Variants in GLRA2 observed in about 807,000 individuals in gnomAD.
The protein encoded by GLRA2 is glycine receptor subunit alpha-2.
A neutral mutation model predicts 31.6 loss-of-function variants in GLRA2; 11 were observed. The ratio of observed to expected loss-of-function variants is 0.35; its 90% CI spans 0.22 to 0.58. The LOEUF (loss-of-function observed/expected upper bound fraction) is 0.58, where lower values mean the gene tolerates loss of function less well. Ranked by LOEUF, GLRA2 falls within the 20% of genes least tolerant of loss-of-function variation. The pLI is 0.84. For missense variants in GLRA2, 212 were observed against 351.8 expected (o/e 0.60, Z 3.18); for synonymous variants, 132 against 134.0 (o/e 0.99, Z 0.10).
At chrX:14,667,774 TCC>T (rs1332149660) in intron 7 of GLRA2, among the ~76,000 whole-genome samples, 2 of 111,505 alleles carry the variant, frequency 1.8e-5, no homozygotes, top group Non-Finnish European at 3.8e-5. Flanking sequence ...GCAACTTATC[TCC>T]CTTTTCTCAT....
intron 7 of GLRA2, among the ~76,000 whole-genome samples, chrX:14,668,820 G>C (rs772116507): frequency 6.3e-5 from 7 of 111,641 alleles, no homozygotes; most frequent in African/African-American, 2.3e-4. Flanking sequence ...TTGGTGGGGA[G>C]ACAGCCAAAC....
chrX:14,647,371 C>T (rs1270492974), intron 7 of GLRA2, among the ~76,000 whole-genome samples: 1 of 112,036 alleles, frequency 8.9e-6, no homozygotes, highest in African/African-American at 3.2e-5. Flanking sequence ...TCCAGAGCAG[C>T]CTTCAAAGAC....
At chrX:14,675,274 A>T (rs2091133864) in intron 7 of GLRA2, among the ~76,000 whole-genome samples, 1 of 111,480 alleles carries the variant, frequency 9.0e-6, no homozygotes, top group Non-Finnish European at 1.9e-5. Context: ...TGTGTATTCT[A>T]GGGCTGGCAG....
the GLRA2 span, among the ~76,000 whole-genome samples, chrX:14,520,210 C>T: frequency 9.0e-6 from 1 of 111,653 alleles, no homozygotes; most frequent in East Asian, 2.8e-4. Flanking sequence ...ACATTTTCAG[C>T]GAAGGTATCA....
chrX:14,530,040 A>G lies in GLRA2; in HGVS notation c.-18A>G. The G allele has an allele frequency of 8.6e-7, 1 of 1,160,196 alleles. No individual in the cohort carries two copies. Among genetic ancestry groups the G allele is most frequent in the Non-Finnish European group, 1.2e-6 (1 of 848,155 alleles). The stretch of plus-strand genomic sequence containing the variant: ...GAATCATTTCGGGATATTTTCCACA[A>G]GCAACACAGAAACAGGAATGAACCG... On this transcript the variant is annotated 5_prime_UTR_variant, in exon 1 of 9. Coordinates refer to ENST00000218075, the MANE Select transcript of GLRA2 (RefSeq NM_002063.4).
At chrX:14,690,063 G>A (rs1759412926) in intron 7 of GLRA2, among the ~76,000 whole-genome samples, 1 of 111,766 alleles carries the variant, frequency 8.9e-6, no homozygotes, top group Admixed American at 9.5e-5. Flanking sequence ...ATTTAGAACT[G>A]TGTTTTCATG....
In GLRA2 at chrX:14,731,383, T is replaced by TGACTA. The variant is rs2091992117; in HGVS notation, c.*900_*904dup. On this transcript the variant is annotated 3_prime_UTR_variant, in exon 9 of 9. Transcript: ENST00000218075. The stretch of plus-strand genomic sequence containing the variant: ...ACACGTGACTTTAATCGCCCAACTG[T>TGACTA]GACTAGTCATTGCAGCTACTCAGCT... The TGACTA allele has an allele frequency of 8.9e-6, 1 of 111,971 alleles. No homozygotes were observed. The highest frequency in any genetic ancestry group is 9.6e-5 in the Admixed American group (1 of 10,469). 9.2% of individuals were successfully genotyped at this position (111,971 alleles called of 1,213,427 possible).
intron 7 of GLRA2, among the ~76,000 whole-genome samples, chrX:14,643,311 T>A (rs981928042): frequency 8.9e-6 from 1 of 111,943 alleles, no homozygotes; most frequent in African/African-American, 3.2e-5. Context: ...AGTGAGCTGA[T>A]ACATGGGTGT....
At chrX:14,695,112 T>A (rs1197491641) in intron 8 of GLRA2, among the ~76,000 whole-genome samples, 2 of 111,052 alleles carry the variant, frequency 1.8e-5, no homozygotes, top group African/African-American at 3.3e-5. Context: ...CAGATACTGT[T>A]TTAAATCCAC....
chrX:14,493,030 G>A, the GLRA2 span, among the ~76,000 whole-genome samples: 1 of 111,031 alleles, frequency 9.0e-6, no homozygotes, highest in Non-Finnish European at 1.9e-5. Context: ...CATTCATGAG[G>A]ACTCTGCTCT....
chrX:14,560,614 A>C (rs1380410158), intron 2 of GLRA2, among the ~76,000 whole-genome samples: 2 of 110,168 alleles, frequency 1.8e-5, no homozygotes, highest in Non-Finnish European at 3.8e-5. Context: ...GTTCAAGACC[A>C]GCCTGGGCAA....
At chrX:14,591,042 C>T (rs73199669) in intron 4 of GLRA2, among the ~76,000 whole-genome samples, 1,285 of 111,363 alleles carry the variant, frequency 0.012, 10 homozygotes, top group Middle Eastern at 0.028. Context: ...CCAGAAAGTG[C>T]GTTGTATGTA....
At chrX:14,454,191 CA>C in the GLRA2 span, among the ~76,000 whole-genome samples, 2 of 48,546 alleles carry the variant, frequency 4.1e-5, no homozygotes, top group South Asian at 2.2e-3. Context: ...CACACACCCA[CA>C]CACACACACA....
At chrX:14,656,114 C>G (rs1485325681) in intron 7 of GLRA2, among the ~76,000 whole-genome samples, 1 of 111,387 alleles carries the variant, frequency 9.0e-6, no homozygotes, top group Non-Finnish European at 1.9e-5. Context: ...ATTTGAAATA[C>G]GCTGGGCTAC....
At chrX:14,508,560 C>T in the GLRA2 span, among the ~76,000 whole-genome samples, 1 of 111,495 alleles carries the variant, frequency 9.0e-6, no homozygotes, top group Non-Finnish European at 1.9e-5. Flanking sequence ...TGCCTATAGA[C>T]ACAGGAGGGA....
intron 8 of GLRA2, among the ~76,000 whole-genome samples, chrX:14,692,038 T>A (rs1490203982): frequency 8.9e-6 from 1 of 111,941 alleles, no homozygotes; most frequent in Non-Finnish European, 1.9e-5. Context: ...TTGTGAGACA[T>A]TGCTTATATT....
At chrX:14,575,805 A>G (rs1467324268) in intron 3 of GLRA2, among the ~76,000 whole-genome samples, 2 of 111,652 alleles carry the variant, frequency 1.8e-5, no homozygotes, top group Non-Finnish European at 3.8e-5. Flanking sequence ...GTTACCTGTG[A>G]CATAGCCTAT....
At chrX:14,698,213 T>C (rs2091477010) in intron 8 of GLRA2, among the ~76,000 whole-genome samples, 1 of 111,405 alleles carries the variant, frequency 9.0e-6, no homozygotes, top group Non-Finnish European at 1.9e-5. Context: ...TTTTCAAACA[T>C]TGCATTAAAT....
chrX:14,653,502 G>A (rs749822363), intron 7 of GLRA2, among the ~76,000 whole-genome samples: 9 of 112,222 alleles, frequency 8.0e-5, no homozygotes, highest in Non-Finnish European at 1.7e-4. Context: ...ACTAGAATTA[G>A]ATGTGGAGCC....
Sources: gnomAD v4.1 joint callset for allele counts (sites outside exome capture counted in the v4.1 genomes callset) on GRCh38, gnomAD v4.1.1 for gene constraint, MANE v1.5 for transcripts, NCBI Gene and HGNC (gene_info 2026-07-23, HGNC 2026-07-21) for gene names.